TSPAN7: variants seen among roughly 807,000 people sequenced by gnomAD.
TSPAN7 encodes tetraspanin 7, also known as tetraspanin-7.
A neutral mutation model predicts 17.6 loss-of-function variants in TSPAN7; 1 was observed. The ratio of observed to expected loss-of-function variants is 0.06; its 90% CI spans 0.02 to 0.27. The LOEUF is 0.27. TSPAN7 is among the 10% of genes least tolerant of loss of function. The pLI, the probability that TSPAN7 is intolerant of heterozygous loss-of-function variation, is 1.00. For missense variants in TSPAN7, 112 were observed against 201.7 expected (o/e 0.56, Z 2.69); for synonymous variants, 78 against 79.0 (o/e 0.99, Z 0.07).
rs957643906 is a variant in TSPAN7, at chrX:38,688,781, G to T, written c.*850G>T. 1 of 112,644 alleles carries T rather than the reference G, an allele frequency of 8.9e-6. No individual in the cohort carries two copies. Among genetic ancestry groups the T allele is most frequent in the African/African-American group, 3.2e-5 (1 of 30,934 alleles). The allele number at this position is 112,644 out of a possible 1,213,427, so 9.3% of individuals were successfully genotyped here. The stretch of plus-strand genomic sequence containing the variant: ...GACCTCATCCAAACAATTTAAAAAT[G>T]AGTGTGAAGGGGGAACAAGTCAAAA... On this transcript the variant is annotated 3_prime_UTR_variant, in exon 8 of 8. Coordinates refer to ENST00000378482, the MANE Select transcript of TSPAN7 (RefSeq NM_004615.4).
intron 1 of TSPAN7, among the ~76,000 whole-genome samples, chrX:38,632,440 A>AT (rs2069556327): frequency 1.8e-5 from 2 of 112,436 alleles, no homozygotes; most frequent in South Asian, 7.5e-4. Context: ...AGCTGGGGGC[A>AT]TAGAGAATCG....
intron 1 of TSPAN7, among the ~76,000 whole-genome samples, chrX:38,635,195 C>T (rs1215383884): frequency 1.8e-5 from 2 of 111,530 alleles, no homozygotes; most frequent in East Asian, 5.6e-4. Context: ...AACTTCCTTC[C>T]ATGAAAATAA....
At position 38,615,555 on chromosome X, in the gene TSPAN7, T is replaced by G. The variant is rs936932143; in HGVS notation, c.82-50566T>G. Reference sequence around the variant, plus strand: ...TTTTAATGTCCTCTCCAGTTTTTTGTTTTTTGTTTTTAAAAGAACATTACA... The same window carrying G: ...TTTTAATGTCCTCTCCAGTTTTTTGGTTTTTGTTTTTAAAAGAACATTACA... On this transcript the variant is annotated intron_variant, in intron 1 of 7. Transcript: ENST00000378482. Among the ~76,000 whole-genome samples the G allele has an allele frequency of 9.6e-5, 7 of 72,849 alleles. No individual in the cohort carries two copies. In the South Asian group the frequency reaches 3.6e-3, roughly 38 times the overall value. The allele number at this position is 72,849 out of a possible 115,157, so 63.3% of individuals were successfully genotyped here. A position where few individuals can be genotyped will look rare whatever the true frequency, so the allele number is the denominator to read the frequency against.
At chrX:38,622,544 G>A (rs1569308195) in intron 1 of TSPAN7, among the ~76,000 whole-genome samples, 1 of 111,805 alleles carries the variant, frequency 8.9e-6, no homozygotes, top group East Asian at 2.8e-4. Flanking sequence ...GGGCCACAGG[G>A]TGAGACCCTG....
intron 1 of TSPAN7, among the ~76,000 whole-genome samples, chrX:38,622,460 G>A (rs1268147747): frequency 7.1e-5 from 8 of 112,136 alleles, no homozygotes; most frequent in African/African-American, 2.6e-4. Flanking sequence ...AGTTGGGAGC[G>A]TCGCTTGAGC....
intron 1 of TSPAN7, among the ~76,000 whole-genome samples, chrX:38,583,154 G>GCAC (rs2069236607): frequency 8.9e-6 from 1 of 112,400 alleles, no homozygotes; most frequent in Non-Finnish European, 1.9e-5. Flanking sequence ...TGCATGTGCT[G>GCAC]ATAAAAGACC....
intron 1 of TSPAN7, among the ~76,000 whole-genome samples, chrX:38,595,976 C>T (rs1371886195): frequency 2.7e-5 from 3 of 111,644 alleles, no homozygotes; most frequent in African/African-American, 9.7e-5. Flanking sequence ...TCCACTGGGG[C>T]ATTTGCATCA....
chrX:38,621,455 G>A (rs1416608963), intron 1 of TSPAN7, among the ~76,000 whole-genome samples: 1 of 111,998 alleles, frequency 8.9e-6, no homozygotes, highest in Non-Finnish European at 1.9e-5. Flanking sequence ...TTTTGACGGG[G>A]ATTTTTGAAT....
At chrX:38,609,719 A>C (rs2069407678) in intron 1 of TSPAN7, among the ~76,000 whole-genome samples, 2 of 109,375 alleles carry the variant, frequency 1.8e-5, no homozygotes, top group Admixed American at 9.9e-5. Context: ...AACTCTTTGA[A>C]AAAATACTCC....
At chrX:38,618,712 T>C (rs1481782044) in intron 1 of TSPAN7, among the ~76,000 whole-genome samples, 3 of 111,777 alleles carry the variant, frequency 2.7e-5, no homozygotes, top group Non-Finnish European at 5.6e-5. Flanking sequence ...AGTTCAGCAG[T>C]TTACAGGGCA....
chrX:38,628,945 A>G (rs2069536334), intron 1 of TSPAN7, among the ~76,000 whole-genome samples: 1 of 111,904 alleles, frequency 8.9e-6, no homozygotes, highest in Non-Finnish European at 1.9e-5. Flanking sequence ...AGATATAATC[A>G]AGAACCATGT....
chrX:38,647,823 A>G (rs1209093173), intron 1 of TSPAN7, among the ~76,000 whole-genome samples: 3 of 112,074 alleles, frequency 2.7e-5, no homozygotes, highest in Non-Finnish European at 3.8e-5. Flanking sequence ...TCTGGTTGCT[A>G]TACGTTTGGA....
intron 5 of TSPAN7, among the ~76,000 whole-genome samples, chrX:38,676,365 C>A (rs2069853769): frequency 9.0e-6 from 1 of 110,828 alleles, no homozygotes. Flanking sequence ...CACTGTCAAC[C>A]TCCCGACTCC....
At chrX:38,603,156 T>A (rs1246091977) in intron 1 of TSPAN7, among the ~76,000 whole-genome samples, 5 of 111,827 alleles carry the variant, frequency 4.5e-5, no homozygotes, top group Non-Finnish European at 7.5e-5. Flanking sequence ...AAAAGGTCAA[T>A]AAACACATGA....
intron 1 of TSPAN7, among the ~76,000 whole-genome samples, chrX:38,654,826 G>T (rs1017508650): frequency 8.0e-5 from 9 of 112,444 alleles, no homozygotes; most frequent in Admixed American, 5.7e-4. Flanking sequence ...GGTGATAGGT[G>T]CAGTGGCGAA....
intron 1 of TSPAN7, among the ~76,000 whole-genome samples, chrX:38,640,132 G>T (rs2069604286): frequency 9.0e-6 from 1 of 111,635 alleles, no homozygotes; most frequent in Non-Finnish European, 1.9e-5. Flanking sequence ...AAACATGATG[G>T]TGTGAAAACT....
At chrX:38,562,812 C>G (rs1006088727) in intron 1 of TSPAN7, 3 of 282,612 alleles carry the variant, frequency 1.1e-5, no homozygotes, top group African/African-American at 2.9e-5. Flanking sequence ...CCCTCTTCCC[C>G]CCTTGTCCCC....
intron 1 of TSPAN7, among the ~76,000 whole-genome samples, chrX:38,575,412 A>T (rs1228121127): frequency 8.9e-6 from 1 of 112,263 alleles, no homozygotes; most frequent in Admixed American, 9.5e-5. Context: ...ATTCAATATG[A>T]TGTTTGCTTA....
chrX:38,620,184 G>A (rs1602101858), intron 1 of TSPAN7, among the ~76,000 whole-genome samples: 1 of 111,756 alleles, frequency 8.9e-6, no homozygotes, highest in Non-Finnish European at 1.9e-5. Context: ...CAGTTCTGAC[G>A]TTCTCCTTGC....
Sources: allele counts gnomAD v4.1 joint callset (sites outside exome capture counted in the v4.1 genomes callset), GRCh38; gene constraint gnomAD v4.1.1; transcripts MANE v1.5; gene names NCBI Gene and HGNC (gene_info 2026-07-23, HGNC 2026-07-21).